The following SDK1 variants were observed in gnomAD, a reference collection of about 807,000 sequenced individuals.
SDK1 encodes the protein sidekick cell adhesion molecule 1.
A neutral mutation model predicts 245.5 loss-of-function variants in SDK1; 157 were observed. That is an observed-to-expected ratio of 0.64 (90% CI 0.56 to 0.73). The LOEUF is 0.73. Ranked by LOEUF, SDK1 falls within the 30% of genes least tolerant of loss-of-function variation. The pLI is 0.00. For missense variants in SDK1, 3,583 were observed against 3,002.3 expected (o/e 1.19, Z -4.52); for synonymous variants, 1,647 against 1,278.5 (o/e 1.29, Z -6.15).
chr7:3,559,603 C>G (rs1426119287), intron 1 of SDK1, among the ~76,000 whole-genome samples: 2 of 152,074 alleles, frequency 1.3e-5, no homozygotes, highest in African/African-American at 4.8e-5. Flanking sequence ...CTTGCAAGAG[C>G]TTTCACTTTA....
chr7:3,618,966 C>G (rs963000558), intron 1 of SDK1, 114 bp from the exon 2 acceptor site: 1 of 833,578 alleles, frequency 1.2e-6, no homozygotes, highest in African/African-American at 1.7e-5. Context: ...GGCCAAACAG[C>G]CATCACTTTC....
At chr7:3,387,506 A>G (rs1781639141) in intron 1 of SDK1, among the ~76,000 whole-genome samples, 1 of 152,218 alleles carries the variant, frequency 6.6e-6, no homozygotes, top group Non-Finnish European at 1.5e-5. Context: ...GACACTTCCA[A>G]CATCATGTAA....
At chr7:4,089,777 G>A (rs1328974333) in intron 22 of SDK1, among the ~76,000 whole-genome samples, 2 of 152,224 alleles carry the variant, frequency 1.3e-5, no homozygotes, top group African/African-American at 4.8e-5. Context: ...AAGTGTTTTA[G>A]AAACTATAGA....
chr7:4,093,754 G>C (rs543554887), intron 22 of SDK1, among the ~76,000 whole-genome samples: 1 of 152,300 alleles, frequency 6.6e-6, no homozygotes, highest in African/African-American at 2.4e-5. Context: ...TCTCTCCTAA[G>C]CACACGCTGT....
At chr7:3,506,852 A>G (rs1178627831) in intron 1 of SDK1, among the ~76,000 whole-genome samples, 1 of 151,590 alleles carries the variant, frequency 6.6e-6, no homozygotes, top group Non-Finnish European at 1.5e-5. Flanking sequence ...TTTTAAATAA[A>G]CACACACATT....
At chr7:4,108,481 C>T (rs1216487765) in intron 22 of SDK1, among the ~76,000 whole-genome samples, 1 of 152,128 alleles carries the variant, frequency 6.6e-6, no homozygotes, top group Non-Finnish European at 1.5e-5. Context: ...AGAACTGGCT[C>T]ACTTTGGTGC....
At chr7:3,753,519 C>T (rs1291892441) in intron 4 of SDK1, among the ~76,000 whole-genome samples, 1 of 152,176 alleles carries the variant, frequency 6.6e-6, no homozygotes, top group Non-Finnish European at 1.5e-5. Context: ...TGCACTCAGC[C>T]AGGTTGCAGT....
chr7:3,653,085 A>G (rs1783058690), intron 4 of SDK1, among the ~76,000 whole-genome samples: 1 of 152,200 alleles, frequency 6.6e-6, no homozygotes, highest in African/African-American at 2.4e-5. Flanking sequence ...GACGCAGATG[A>G]GAAAAGTCGC....
chr7:3,423,507 A>C (rs935108698), intron 1 of SDK1, among the ~76,000 whole-genome samples: 1 of 152,028 alleles, frequency 6.6e-6, no homozygotes, highest in Non-Finnish European at 1.5e-5. Flanking sequence ...ATATAAAAAC[A>C]AATTCGGGAA....
At chr7:3,620,991 C>T (rs1781921083) in intron 2 of SDK1, among the ~76,000 whole-genome samples, 1 of 152,156 alleles carries the variant, frequency 6.6e-6, no homozygotes, top group Admixed American at 6.5e-5. Context: ...AGCTCCACCA[C>T]ACCTGAGCAA....
intron 1 of SDK1, among the ~76,000 whole-genome samples, chr7:3,606,929 C>G (rs1781443533): frequency 1.3e-5 from 2 of 151,874 alleles, no homozygotes; most frequent in Admixed American, 6.6e-5. Flanking sequence ...GTGTTATGTA[C>G]AAACCTTCAA....
intron 1 of SDK1, among the ~76,000 whole-genome samples, chr7:3,326,611 C>A (rs967943491): frequency 6.6e-6 from 1 of 152,182 alleles, no homozygotes; most frequent in Admixed American, 6.5e-5. Context: ...TACACATCCA[C>A]TGAGTCCTCA....
chr7:3,895,411 ACGT>A lies in SDK1; in HGVS notation c.848-55510_848-55508del, dbSNP rs1781577151. 4.6e-5 allele frequency among the ~76,000 whole-genome samples: 7 copies of A among 152,312 alleles called. No homozygotes were observed. The South Asian group carries it at 1.5e-3, about 32-fold the overall frequency. On this transcript the variant is annotated intron_variant, in intron 5 of 44. Transcript: ENST00000404826. Reference sequence around the variant, plus strand: ...GCTCTAGCCAATCAACATGTAGTGGACGTCTGCTAAGTAGGGCTTCCAAGGATG... The same window carrying A: ...GCTCTAGCCAATCAACATGTAGTGGACTGCTAAGTAGGGCTTCCAAGGATG...
intron 4 of SDK1, among the ~76,000 whole-genome samples, chr7:3,756,678 C>T (rs1411298355): frequency 1.3e-5 from 2 of 152,110 alleles, no homozygotes; most frequent in Non-Finnish European, 2.9e-5. Context: ...TTCTTGGTCT[C>T]CTCCAATCTG....
At chr7:3,722,260 G>A (rs1405870628) in intron 4 of SDK1, among the ~76,000 whole-genome samples, 4 of 152,098 alleles carry the variant, frequency 2.6e-5, no homozygotes, top group South Asian at 2.1e-4. Context: ...GGGGAGACTC[G>A]GAGACCACGT....
intron 5 of SDK1, among the ~76,000 whole-genome samples, chr7:3,928,771 C>A (rs1779868222): frequency 6.6e-6 from 1 of 152,208 alleles, no homozygotes; most frequent in Non-Finnish European, 1.5e-5. Flanking sequence ...TTCACACTTA[C>A]AGGAATCTTC....
At position 3,329,547 on chromosome 7, in the gene SDK1, C is replaced by G. The variant is rs1410342812; in HGVS notation, c.298+27663C>G. ...ATCACGCCACATCTTCACACCCTACCCTAGGGGAACCATTAATCTACTTTG... is the reference window on the plus strand; with the variant it reads ...ATCACGCCACATCTTCACACCCTACGCTAGGGGAACCATTAATCTACTTTG... On this transcript the variant is annotated intron_variant, in intron 1 of 44. Transcript: ENST00000404826. Among the ~76,000 whole-genome samples, 3 of 152,140 alleles carry G rather than the reference C, an allele frequency of 2.0e-5. No individual in the cohort carries two copies. The East Asian group carries it at 5.8e-4, about 29-fold the overall frequency.
intron 38 of SDK1, among the ~76,000 whole-genome samples, chr7:4,215,689 C>G (rs1344782556): frequency 1.3e-5 from 2 of 152,192 alleles, no homozygotes; most frequent in South Asian, 2.1e-4. Flanking sequence ...TTGAGCCACT[C>G]GGTTTTGGAG....
At chr7:3,903,363 TCGATC>T (rs1781857513) in intron 5 of SDK1, among the ~76,000 whole-genome samples, 1 of 152,120 alleles carries the variant, frequency 6.6e-6, no homozygotes, top group Non-Finnish European at 1.5e-5. Flanking sequence ...CAGGATGGTC[TCGATC>T]ATCTGCTGAC....
Sources: allele counts gnomAD v4.1 joint callset (sites outside exome capture counted in the v4.1 genomes callset), GRCh38; gene constraint gnomAD v4.1.1; transcripts MANE v1.5; gene names NCBI Gene and HGNC (gene_info 2026-07-23, HGNC 2026-07-21).